Variants in HK1 observed in about 807,000 individuals in gnomAD.
HK1 encodes hexokinase-1.
HK1 carries 28 observed loss-of-function variants against 91.6 expected under a neutral mutation model. The observed-to-expected ratio is 0.31, with a 90% CI of 0.23 to 0.42. The LOEUF (loss-of-function observed/expected upper bound fraction) is 0.42. HK1 is among the 10% of genes least tolerant of loss of function. The pLI is 1.00. For missense variants in HK1, 770 were observed against 1,219.8 expected (o/e 0.63, Z 5.49); for synonymous variants, 430 against 468.1 (o/e 0.92, Z 1.05).
At chr10:69,397,527 G>A (rs1238814755) in intron 16 of HK1, among the ~76,000 whole-genome samples, 2 of 152,166 alleles carry the variant, frequency 1.3e-5, no homozygotes, top group Non-Finnish European at 2.9e-5. Context: ...GCCTAGCAGG[G>A]CATGGTGGGC....
At chr10:69,273,589 T>A (rs937798918) in intron 1 of HK1, among the ~76,000 whole-genome samples, 22 of 152,288 alleles carry the variant, frequency 1.4e-4, no homozygotes, top group Admixed American at 9.2e-4. Context: ...TGACCTCAGG[T>A]GATCCCCCTG....
At position 69,318,872 on chromosome 10, in the gene HK1, G is replaced by C; in HGVS notation, c.-76G>C. 1 of 1,514,890 alleles carries C rather than the reference G, an allele frequency of 6.6e-7. No individual in the cohort carries two copies. The highest frequency in any genetic ancestry group is 8.8e-7 in the Non-Finnish European group (1 of 1,132,920). 93.8% of individuals were successfully genotyped at this position (1,514,890 alleles called of 1,614,324 possible). A position where few individuals can be genotyped will look rare whatever the true frequency, so the allele number is the denominator to read the frequency against. ...GAGGAGGAGCCGCCGAGCAGCCGCC[G>C]GAGGACCACGGCTCGCCAGGGCTGC... is the stretch of plus-strand genomic sequence containing the variant. On this transcript the variant is annotated 5_prime_UTR_variant, in exon 1 of 18. Coordinates refer to ENST00000359426, the MANE Select transcript of HK1 (RefSeq NM_000188.3).
intron 5 of HK1, among the ~76,000 whole-genome samples, chr10:69,306,267 A>G (rs1338138570): frequency 6.6e-6 from 1 of 152,110 alleles, no homozygotes; most frequent in African/African-American, 2.4e-5. Context: ...CTGAGGCAGG[A>G]GAATGGTGTG....
intron 1 of HK1, among the ~76,000 whole-genome samples, chr10:69,270,354 G>T (rs948499124): frequency 1.3e-5 from 2 of 152,096 alleles, no homozygotes; most frequent in Non-Finnish European, 2.9e-5. Context: ...GCCAAGGTGG[G>T]TAGATCACTG....
At chr10:69,286,326 C>T (rs1845030594) in intron 2 of HK1, among the ~76,000 whole-genome samples, 2 of 151,896 alleles carry the variant, frequency 1.3e-5, no homozygotes, top group Admixed American at 6.6e-5. Flanking sequence ...AGTGAGATCC[C>T]GTCTCTACAA....
chr10:69,303,930 T>C (rs1845990666), intron 5 of HK1, among the ~76,000 whole-genome samples: 1 of 152,152 alleles, frequency 6.6e-6, no homozygotes, highest in Admixed American at 6.5e-5. Context: ...GGGTCAGAGA[T>C]GAAATCATAG....
chr10:69,309,221 C>T (rs1443434667), intron 5 of HK1, among the ~76,000 whole-genome samples: 1 of 150,210 alleles, frequency 6.7e-6, no homozygotes, highest in African/African-American at 2.4e-5. Context: ...TCGCTCTGTC[C>T]CCTAGGCTGA....
rs923108299 is a variant in HK1, at chr10:69,386,437, T to C, written c.1935+19T>C. ...GAGAGAGGTAACTATTAAAAGAATG[T>C]TTTTTAAAATCTTTACTGTTTTAGG... On this transcript the variant is annotated intron_variant, in intron 13 of 17. Coordinates refer to ENST00000359426, the MANE Select transcript of HK1 (RefSeq NM_000188.3). 1 of 1,574,832 alleles carries C rather than the reference T, an allele frequency of 6.3e-7. No homozygotes were observed. Among genetic ancestry groups the C allele is most frequent in the Non-Finnish European group, 8.7e-7 (1 of 1,145,056 alleles).
At chr10:69,338,826 T>G in intron 1 of HK1, 122 of 523,150 alleles carry the variant, frequency 2.3e-4, no homozygotes, top group Middle Eastern at 8.2e-4. Flanking sequence ...AGGAGGAGAG[T>G]AAAGATCTGG....
intron 1 of HK1, among the ~76,000 whole-genome samples, chr10:69,326,042 G>A (rs974403375): frequency 7.9e-5 from 12 of 151,590 alleles, no homozygotes; most frequent in Non-Finnish European, 1.6e-4. Flanking sequence ...CACCGTGTTG[G>A]CCAGGCTGGT....
At chr10:69,298,322 T>C (rs747674162) in intron 4 of HK1, among the ~76,000 whole-genome samples, 3 of 151,822 alleles carry the variant, frequency 2.0e-5, no homozygotes, top group Non-Finnish European at 4.4e-5. Flanking sequence ...TTTTAAAAGA[T>C]TTCTGCATAA....
At chr10:69,353,009 C>T (rs1848955084) in intron 2 of HK1, among the ~76,000 whole-genome samples, 1 of 152,130 alleles carries the variant, frequency 6.6e-6, no homozygotes, top group Admixed American at 6.5e-5. Context: ...ATTTCTTGAG[C>T]AATACAGGTG....
chr10:69,315,379 G>A (rs1022300143), upstream of HK1, among the ~76,000 whole-genome samples: 18 of 152,158 alleles, frequency 1.2e-4, no homozygotes, highest in Admixed American at 1.1e-3. Context: ...AAGCAGGTGC[G>A]TTTCCTGGGG....
upstream of HK1, among the ~76,000 whole-genome samples, chr10:69,312,910 G>A (rs556216815): frequency 4.6e-5 from 7 of 152,284 alleles, no homozygotes; most frequent in Admixed American, 1.3e-4. Context: ...CAAGGGAGCC[G>A]TATTTTGGGG....
At chr10:69,300,365 T>A in intron 4 of HK1, 1 of 496,330 alleles carries the variant, frequency 2.0e-6, no homozygotes, top group Non-Finnish European at 3.6e-6. Flanking sequence ...AGGTTATTCC[T>A]ATGTAATTTT....
chr10:69,342,398 T>G (rs1848339132), intron 1 of HK1, among the ~76,000 whole-genome samples: 1 of 152,190 alleles, frequency 6.6e-6, no homozygotes, highest in African/African-American at 2.4e-5. Flanking sequence ...CCTGAAGGAC[T>G]TGGACATCTT....
chr10:69,361,935 A>G (rs1482530236), intron 3 of HK1, among the ~76,000 whole-genome samples: 4 of 152,186 alleles, frequency 2.6e-5, no homozygotes, highest in African/African-American at 9.6e-5. Flanking sequence ...CTCCTGCCTC[A>G]GCCTCCCAAA....
At chr10:69,327,000 CTT>C (rs1042738695) in intron 1 of HK1, among the ~76,000 whole-genome samples, 2,900 of 110,708 alleles carry the variant, frequency 0.026, 18 homozygotes, top group African/African-American at 0.051. Flanking sequence ...TGGTTTTAAA[CTT>C]TTTTTTTTTT....
intron 5 of HK1, among the ~76,000 whole-genome samples, chr10:69,310,374 T>C (rs1027291096): frequency 2.1e-5 from 3 of 144,500 alleles, no homozygotes; most frequent in African/African-American, 7.8e-5. Flanking sequence ...TGAGCCGAGA[T>C]CGTGCCACTG....
Sources: allele counts gnomAD v4.1 joint callset (sites outside exome capture counted in the v4.1 genomes callset), GRCh38; gene constraint gnomAD v4.1.1; transcripts MANE v1.5; gene names NCBI Gene and HGNC (gene_info 2026-07-23, HGNC 2026-07-21).